Variants in CLCN3 observed in about 807,000 individuals in gnomAD.
The protein encoded by CLCN3 is H(+)/Cl(-) exchange transporter 3.
In CLCN3, 16 loss-of-function variants were observed where a neutral mutation model predicts 83.4. The ratio of observed to expected loss-of-function variants is 0.19; its 90% CI spans 0.13 to 0.29. CLCN3 has a LOEUF of 0.29. Among genes scored for constraint, CLCN3 ranks in the 10% least tolerant of loss-of-function variants. The probability of loss-of-function intolerance (pLI) is 1.00; values close to 1 mark genes in which losing one functional copy is unlikely to be tolerated. For synonymous variants in CLCN3, 322 were observed against 346.2 expected (o/e 0.93, Z 0.78); for missense variants, 544 against 1,006.0 (o/e 0.54, Z 6.21).
At chr4:169,704,954 A>T (rs957153776) in intron 10 of CLCN3, among the ~76,000 whole-genome samples, 1 of 152,242 alleles carries the variant, frequency 6.6e-6, no homozygotes, top group Non-Finnish European at 1.5e-5. Context: ...TTAAATGTCC[A>T]CTTTCTTTTT....
chr4:169,660,166 A>T, intron 2 of CLCN3: 1 of 1,140,802 alleles, frequency 8.8e-7, no homozygotes, highest in East Asian at 4.3e-5. Context: ...GCCACTAGCA[A>T]CCAGGCTGCA....
intron 3 of CLCN3, chr4:169,680,713 A>G (rs1037166127): frequency 6.5e-6 from 1 of 152,682 alleles, no homozygotes; most frequent in African/African-American, 2.4e-5. Context: ...TCCCAAATAA[A>G]GCTTATTGAG....
At chr4:169,641,434 C>T (rs1560831512) in intron 2 of CLCN3, among the ~76,000 whole-genome samples, 1 of 152,146 alleles carries the variant, frequency 6.6e-6, no homozygotes, top group Non-Finnish European at 1.5e-5. Context: ...AACTCAGAAA[C>T]CACATAGTAG....
At chr4:169,694,331 A>G (rs1732485094) in intron 7 of CLCN3, among the ~76,000 whole-genome samples, 1 of 152,236 alleles carries the variant, frequency 6.6e-6, no homozygotes, top group African/African-American at 2.4e-5. Flanking sequence ...ACTGAGGCAC[A>G]TATAGGTTAG....
At chr4:169,668,060 T>C (rs1160034794) in intron 2 of CLCN3, among the ~76,000 whole-genome samples, 1 of 151,172 alleles carries the variant, frequency 6.6e-6, no homozygotes, top group Non-Finnish European at 1.5e-5. Flanking sequence ...TTTTTTTTTT[T>C]TTTTTTGCTG....
intron 1 of CLCN3, among the ~76,000 whole-genome samples, chr4:169,633,714 ATATAT>A (rs1420608266): frequency 2.0e-5 from 3 of 152,254 alleles, no homozygotes; most frequent in Non-Finnish European, 2.9e-5. Context: ...TTCATTTCAA[ATATAT>A]TTTATTTAAC....
At chr4:169,690,248 C>T (rs1022494948) in intron 5 of CLCN3, among the ~76,000 whole-genome samples, 13 of 146,094 alleles carry the variant, frequency 8.9e-5, no homozygotes, top group Admixed American at 5.0e-4. Flanking sequence ...GGGGTTTAAG[C>T]GATTCTTCTA....
intron 2 of CLCN3, among the ~76,000 whole-genome samples, chr4:169,642,360 C>G (rs1318880692): frequency 6.6e-6 from 1 of 152,182 alleles, no homozygotes; most frequent in African/African-American, 2.4e-5. Flanking sequence ...ACCAATTGTT[C>G]AGCAGACACC....
chr4:169,636,862 G>C (rs1730216865), intron 2 of CLCN3, among the ~76,000 whole-genome samples: 1 of 150,970 alleles, frequency 6.6e-6, no homozygotes, highest in South Asian at 2.1e-4. Flanking sequence ...GGAATGCTTA[G>C]ATCATAGAAT....
intron 10 of CLCN3, among the ~76,000 whole-genome samples, chr4:169,705,747 C>T (rs10520164): frequency 0.11 from 16,974 of 152,004 alleles, 1,040 homozygotes; most frequent in East Asian, 0.17. Context: ...CTGACGAGCC[C>T]TGGTAGGTTT....
chr4:169,697,721 C>A lies in CLCN3; in HGVS notation c.1550C>A (p.Thr517Asn). The A allele has an allele frequency of 6.2e-7, 1 of 1,605,612 alleles. No homozygotes were observed. The highest frequency in any genetic ancestry group is 8.5e-7 in the Non-Finnish European group (1 of 1,176,262). ...TTTAAAATCATAATGACAGTATTCA[C>A]TTTTGGCATCAAGGTAAGTGCTAAT... Reference protein sequence around the residue: ...LIFKIIMTVFTFGIKVPSGLF... With the variant: ...LIFKIIMTVFNFGIKVPSGLF... The change falls in exon 9 of 13, where the codon ACT becomes AAT. Residue 517 changes from threonine to asparagine, a missense_variant. This residue lies in a region of CLCN3 where 194 missense variants were observed against 341.4 expected (regional missense o/e 0.57). Transcript: ENST00000513761.
intron 2 of CLCN3, among the ~76,000 whole-genome samples, chr4:169,675,762 A>G (rs774957452): frequency 3.9e-5 from 6 of 152,212 alleles, no homozygotes; most frequent in Admixed American, 3.3e-4. Flanking sequence ...AAGCTGTAGC[A>G]TATATCATGT....
At chr4:169,683,917 A>G (rs1249380034) in intron 3 of CLCN3, among the ~76,000 whole-genome samples, 1 of 152,046 alleles carries the variant, frequency 6.6e-6, no homozygotes, top group Non-Finnish European at 1.5e-5. Context: ...TAATTTTTGT[A>G]GTTTAAGTAG....
chr4:169,639,465 A>C (rs1560830691), intron 2 of CLCN3, among the ~76,000 whole-genome samples: 1 of 152,226 alleles, frequency 6.6e-6, no homozygotes, highest in Non-Finnish European at 1.5e-5. Context: ...CATGTCACCA[A>C]AAAAAGATAT....
intron 2 of CLCN3, among the ~76,000 whole-genome samples, chr4:169,645,997 A>G (rs996207003): frequency 1.5e-4 from 23 of 152,206 alleles, no homozygotes; most frequent in South Asian, 6.2e-4. Flanking sequence ...TTATTTTCCT[A>G]TGTACATAGT....
chr4:169,696,765 A>T (rs1247399017), intron 8 of CLCN3, among the ~76,000 whole-genome samples: 3 of 149,608 alleles, frequency 2.0e-5, no homozygotes, highest in Non-Finnish European at 3.0e-5. Flanking sequence ...TAACTCTTTT[A>T]GTTCAAGATG....
At chr4:169,685,375 A>G (rs1481180402) in intron 3 of CLCN3, among the ~76,000 whole-genome samples, 1 of 152,002 alleles carries the variant, frequency 6.6e-6, no homozygotes, top group Non-Finnish European at 1.5e-5. Context: ...GTCCCATCCA[A>G]CCCATTGTCT....
chr4:169,681,069 G>T (rs372974158), intron 3 of CLCN3, among the ~76,000 whole-genome samples: 1 of 152,050 alleles, frequency 6.6e-6, no homozygotes, highest in South Asian at 2.1e-4. Context: ...GAGGTCGGGG[G>T]ACCGTCGCCC....
intron 4 of CLCN3, among the ~76,000 whole-genome samples, chr4:169,688,191 A>C (rs1732233883): frequency 2.6e-5 from 4 of 152,214 alleles, no homozygotes; most frequent in Admixed American, 1.3e-4. Context: ...AGGAGACTGA[A>C]GCAGAAGAAA....
Sources: gnomAD v4.1 joint callset for allele counts (sites outside exome capture counted in the v4.1 genomes callset) on GRCh38, gnomAD v4.1.1 for gene constraint, gnomAD v4.1.1 regional missense constraint, MANE v1.5 for transcripts, NCBI Gene and HGNC (gene_info 2026-07-23, HGNC 2026-07-21) for gene names.